The following TMEM117 variants were observed in gnomAD, a reference collection of about 807,000 sequenced individuals.
TMEM117 encodes transmembrane protein 117.
Under a neutral mutation model 52.4 loss-of-function variants are expected in TMEM117, and 27 were observed. That is an observed-to-expected ratio of 0.51 (90% CI 0.38 to 0.71). The LOEUF is 0.71. TMEM117 is among the 30% of genes least tolerant of loss of function. The pLI, the probability that TMEM117 is intolerant of heterozygous loss-of-function variation, is 0.00. For missense variants in TMEM117, 556 were observed against 630.5 expected (o/e 0.88, Z 1.26); for synonymous variants, 215 against 206.3 (o/e 1.04, Z -0.36).
chr12:43,973,375 A>C (rs1436688678), intron 3 of TMEM117, among the ~76,000 whole-genome samples: 1 of 152,212 alleles, frequency 6.6e-6, no homozygotes, highest in Non-Finnish European at 1.5e-5. Context: ...AAGGCCTTTT[A>C]AATATACTTG....
chr12:44,058,688 A>C (rs756265035), intron 3 of TMEM117, among the ~76,000 whole-genome samples: 1 of 152,228 alleles, frequency 6.6e-6, no homozygotes, highest in Non-Finnish European at 1.5e-5. Flanking sequence ...TTACTACAGT[A>C]AATTGTATTG....
At position 44,027,132 on chromosome 12, in the gene TMEM117, A is replaced by ATATTTTATTTTATTTTATTT. The variant is rs781312092; in HGVS notation, c.410+82838_410+82857dup. On this transcript the variant is annotated intron_variant, in intron 3 of 7. Coordinates refer to ENST00000266534, the MANE Select transcript of TMEM117 (RefSeq NM_032256.3). ...TTATTTTATCTTATTATTTTATTTT[A>ATATTTTATTTTATTTTATTT]TATTTTATTTTATTTTATTTTATTT... Among the ~76,000 whole-genome samples, 18 of 104,100 alleles carry ATATTTTATTTTATTTTATTT rather than the reference A, an allele frequency of 1.7e-4. 2 individuals carry two copies. Among genetic ancestry groups the ATATTTTATTTTATTTTATTT allele is most frequent in the South Asian group, 6.6e-4 (2 of 3,044 alleles). The allele number at this position is 104,100 out of a possible 152,430, so 68.3% of individuals were successfully genotyped here.
chr12:44,200,054 G>C (rs907586551), intron 4 of TMEM117, among the ~76,000 whole-genome samples: 1 of 152,198 alleles, frequency 6.6e-6, no homozygotes, highest in African/African-American at 2.4e-5. Context: ...TGGAGATGGA[G>C]GTTGCAGTGA....
chr12:43,925,775 G>A (rs181967994), intron 2 of TMEM117, among the ~76,000 whole-genome samples: 37 of 152,172 alleles, frequency 2.4e-4, no homozygotes, highest in African/African-American at 8.2e-4. Context: ...TCTATATCTG[G>A]TGGGGCTTAG....
At chr12:44,085,085 T>C (rs765834189) in intron 3 of TMEM117, among the ~76,000 whole-genome samples, 6 of 152,348 alleles carry the variant, frequency 3.9e-5, no homozygotes, top group Middle Eastern at 6.8e-3. Context: ...GTTAGAAATC[T>C]TGACACATTT....
intron 6 of TMEM117, among the ~76,000 whole-genome samples, chr12:44,356,027 GA>G (rs1453728232): frequency 2.6e-5 from 4 of 152,004 alleles, no homozygotes; most frequent in East Asian, 3.9e-4. Context: ...GAAAAAAAAA[GA>G]AAAAAAGGCA....
chr12:43,849,942 T>TC (rs1338627327), intron 2 of TMEM117, among the ~76,000 whole-genome samples: 2 of 152,226 alleles, frequency 1.3e-5, no homozygotes, highest in African/African-American at 4.8e-5. Context: ...TCCTAATAGT[T>TC]ATCTGCTCCT....
chr12:43,879,552 A>G (rs889750507), intron 2 of TMEM117, among the ~76,000 whole-genome samples: 2 of 152,166 alleles, frequency 1.3e-5, no homozygotes, highest in Non-Finnish European at 2.9e-5. Context: ...TAGAGGTACA[A>G]GTTGTGCCTC....
intron 6 of TMEM117, among the ~76,000 whole-genome samples, chr12:44,347,074 T>TACAC (rs143874387): frequency 1.4e-4 from 21 of 150,440 alleles, no homozygotes; most frequent in African/African-American, 3.4e-4. Flanking sequence ...AATCTGCCTT[T>TACAC]ACACACACAC....
chr12:44,099,889 G>A (rs1470829431), intron 3 of TMEM117, among the ~76,000 whole-genome samples: 1 of 151,738 alleles, frequency 6.6e-6, no homozygotes, highest in Non-Finnish European at 1.5e-5. Context: ...TGGTAGCTGA[G>A]CAAGCCATGT....
At chr12:44,191,921 T>A (rs1280104080) in intron 4 of TMEM117, among the ~76,000 whole-genome samples, 2 of 152,180 alleles carry the variant, frequency 1.3e-5, no homozygotes, top group African/African-American at 4.8e-5. Flanking sequence ...AATAAATACT[T>A]TTATAAAATA....
intron 3 of TMEM117, among the ~76,000 whole-genome samples, chr12:43,965,376 A>C (rs1384658886): frequency 6.6e-6 from 1 of 152,214 alleles, no homozygotes; most frequent in African/African-American, 2.4e-5. Context: ...GTATATCTCT[A>C]TGAGGTCTTC....
At chr12:43,885,091 A>G (rs940204840) in intron 2 of TMEM117, among the ~76,000 whole-genome samples, 11 of 152,186 alleles carry the variant, frequency 7.2e-5, no homozygotes, top group Non-Finnish European at 1.6e-4. Flanking sequence ...GATAGTCGCT[A>G]CCCGAGACAC....
intron 6 of TMEM117, among the ~76,000 whole-genome samples, chr12:44,368,673 C>T (rs138895668): frequency 1.7e-4 from 26 of 152,166 alleles, no homozygotes; most frequent in Admixed American, 1.4e-3. Context: ...GCAGCATGTG[C>T]GGAGCCAGAA....
chr12:43,933,441 T>A (rs1360701142), intron 2 of TMEM117, among the ~76,000 whole-genome samples: 1 of 152,092 alleles, frequency 6.6e-6, no homozygotes, highest in East Asian at 1.9e-4. Context: ...GACCTCGTGA[T>A]CTGCCCGCCT....
chr12:43,806,338 G>C, the TMEM117 span: 1 of 1,281,940 alleles, frequency 7.8e-7, no homozygotes, highest in African/African-American at 1.6e-5. Context: ...CGCCGGCCCC[G>C]GCGCGTCATC....
chr12:43,907,814 T>C (rs1944420398), intron 2 of TMEM117, among the ~76,000 whole-genome samples: 1 of 138,068 alleles, frequency 7.2e-6, no homozygotes, highest in Admixed American at 7.6e-5. Context: ...TAAAAAGAAA[T>C]GAGCAAAGCC....
chr12:43,805,016 A>T, the TMEM117 span, among the ~76,000 whole-genome samples: 1 of 152,264 alleles, frequency 6.6e-6, no homozygotes, highest in African/African-American at 2.4e-5. Flanking sequence ...TATATATCAA[A>T]TATCCTAACT....
At chr12:44,135,138 G>A (rs1948471054) in intron 3 of TMEM117, among the ~76,000 whole-genome samples, 1 of 152,088 alleles carries the variant, frequency 6.6e-6, no homozygotes, top group Admixed American at 6.6e-5. Flanking sequence ...ATAACCTCCA[G>A]GAAAGATATT....
Sources: allele counts gnomAD v4.1 joint callset (sites outside exome capture counted in the v4.1 genomes callset), GRCh38; gene constraint gnomAD v4.1.1; transcripts MANE v1.5; gene names NCBI Gene and HGNC (gene_info 2026-07-23, HGNC 2026-07-21).